The following CNTNAP5 variants were observed in gnomAD, a reference collection of about 807,000 sequenced individuals.
The protein encoded by CNTNAP5 is contactin-associated protein-like 5.
In CNTNAP5, 72 loss-of-function variants were observed where a neutral mutation model predicts 150.2. That is an observed-to-expected ratio of 0.48 (90% CI 0.40 to 0.58). CNTNAP5 has a LOEUF of 0.58. Ranked by LOEUF, CNTNAP5 falls within the 20% of genes least tolerant of loss-of-function variation. The pLI is 0.00. For synonymous variants in CNTNAP5, 672 were observed against 619.8 expected, an observed-to-expected ratio of 1.08 and a Z score of -1.25; for missense variants, 1,636 against 1,626.2, an observed-to-expected ratio of 1.01 and a Z score of -0.10.
At chr2:124,155,272 C>T (rs1197135877) in intron 1 of CNTNAP5, among the ~76,000 whole-genome samples, 1 of 151,982 alleles carries the variant, frequency 6.6e-6, no homozygotes, top group Non-Finnish European at 1.5e-5. Flanking sequence ...CTAACTTGAC[C>T]TTCATTTTTA....
intron 21 of CNTNAP5, among the ~76,000 whole-genome samples, chr2:124,888,414 A>G (rs1013876826): frequency 1.3e-5 from 2 of 152,152 alleles, no homozygotes; most frequent in African/African-American, 2.4e-5. Flanking sequence ...ACATATGAGC[A>G]CATGTGTCTT....
intron 1 of CNTNAP5, among the ~76,000 whole-genome samples, chr2:124,075,318 C>T (rs530759966): frequency 3.3e-5 from 5 of 152,214 alleles, no homozygotes; most frequent in Non-Finnish European, 7.4e-5. Context: ...AGATCCACTT[C>T]TAACATTTTA....
intron 10 of CNTNAP5, among the ~76,000 whole-genome samples, chr2:124,555,832 G>C (rs11682973): frequency 0.41 from 61,888 of 152,000 alleles, 12,894 homozygotes; most frequent in East Asian, 0.62. Flanking sequence ...AAGCGAAGAG[G>C]GATTGAAAAT....
chr2:124,324,046 T>C (rs1336655023), intron 3 of CNTNAP5, among the ~76,000 whole-genome samples: 1 of 152,224 alleles, frequency 6.6e-6, no homozygotes, highest in Non-Finnish European at 1.5e-5. Context: ...AATACATTCA[T>C]TAATATTCAT....
intron 10 of CNTNAP5, among the ~76,000 whole-genome samples, chr2:124,530,911 T>C (rs1392190753): frequency 6.6e-6 from 1 of 151,946 alleles, no homozygotes; most frequent in African/African-American, 2.4e-5. Flanking sequence ...CAAAACACAA[T>C]AGTCTAAGCC....
At chr2:124,607,991 G>C (rs1009127178) in intron 11 of CNTNAP5, among the ~76,000 whole-genome samples, 1 of 152,178 alleles carries the variant, frequency 6.6e-6, no homozygotes, top group South Asian at 2.1e-4. Context: ...AATGCCATGA[G>C]AACAAGGATA....
At chr2:124,745,319 T>C (rs1452477201) in intron 13 of CNTNAP5, among the ~76,000 whole-genome samples, 1 of 152,082 alleles carries the variant, frequency 6.6e-6, no homozygotes, top group African/African-American at 2.4e-5. Flanking sequence ...GATTCTAGAG[T>C]CTGAGAGTAG....
chr2:124,267,314 T>G (rs1687634794), intron 3 of CNTNAP5, among the ~76,000 whole-genome samples: 1 of 152,156 alleles, frequency 6.6e-6, no homozygotes, highest in African/African-American at 2.4e-5. Context: ...GTGTGAACAT[T>G]TAAAGTAAAA....
chr2:124,809,017 C>A (rs2104654178), intron 19 of CNTNAP5, among the ~76,000 whole-genome samples: 1 of 151,806 alleles, frequency 6.6e-6, no homozygotes, highest in Admixed American at 6.6e-5. Flanking sequence ...GAGTCCTTGA[C>A]CATGGAAGAA....
At chr2:124,793,833 C>G (rs932859171) in intron 18 of CNTNAP5, among the ~76,000 whole-genome samples, 5 of 152,116 alleles carry the variant, frequency 3.3e-5, no homozygotes, top group African/African-American at 9.7e-5. Flanking sequence ...TTGGGTACCA[C>G]TGTCATAGTG....
chr2:124,695,516 T>C (rs1488659463), intron 13 of CNTNAP5, among the ~76,000 whole-genome samples: 2 of 152,182 alleles, frequency 1.3e-5, no homozygotes, highest in African/African-American at 4.8e-5. Context: ...AGAATTTGTG[T>C]ACAGGGAAAA....
At chr2:124,164,988 C>T (rs1219912414) in intron 1 of CNTNAP5, among the ~76,000 whole-genome samples, 1 of 152,076 alleles carries the variant, frequency 6.6e-6, no homozygotes, top group Non-Finnish European at 1.5e-5. Context: ...GAACACAAGC[C>T]CTGGAGCCAG....
intron 1 of CNTNAP5, among the ~76,000 whole-genome samples, chr2:124,166,801 G>A (rs1037665708): frequency 5.3e-5 from 8 of 152,074 alleles, no homozygotes; most frequent in African/African-American, 1.7e-4. Flanking sequence ...CAGAGATTAG[G>A]AGTCTGCAGA....
intron 12 of CNTNAP5, among the ~76,000 whole-genome samples, chr2:124,630,047 A>G (rs1677817625): frequency 6.6e-6 from 1 of 151,870 alleles, no homozygotes; most frequent in African/African-American, 2.4e-5. Context: ...ATAGACCAAT[A>G]TCAAGTTCTG....
At chr2:124,416,936 C>CTTTTTTT (rs70996064) in intron 3 of CNTNAP5, among the ~76,000 whole-genome samples, 3 of 106,598 alleles carry the variant, frequency 2.8e-5, no homozygotes, top group African/African-American at 6.9e-5. Context: ...AGAGGGATTT[C>CTTTTTTT]TTTTTTTTTT....
chr2:124,153,082 A>G (rs76312799), intron 1 of CNTNAP5, among the ~76,000 whole-genome samples: 12,913 of 152,246 alleles, frequency 0.085, 746 homozygotes, highest in Non-Finnish European at 0.13. Flanking sequence ...GGATTGCTAA[A>G]GTAGATTTAT....
chr2:124,435,692 A>G (rs1361143379), intron 5 of CNTNAP5, among the ~76,000 whole-genome samples: 81 of 152,210 alleles, frequency 5.3e-4, no homozygotes, highest in Non-Finnish European at 1.3e-4. Context: ...AAGACTGACA[A>G]AAATCCACAG....
At chr2:124,275,021 G>A (rs925258406) in intron 3 of CNTNAP5, among the ~76,000 whole-genome samples, 1 of 152,156 alleles carries the variant, frequency 6.6e-6, no homozygotes, top group Non-Finnish European at 1.5e-5. Context: ...GCAAGGAGGA[G>A]CAAGTCACAT....
intron 11 of CNTNAP5, among the ~76,000 whole-genome samples, chr2:124,571,569 C>T (rs1360084441): frequency 1.2e-4 from 6 of 49,494 alleles, no homozygotes; most frequent in Non-Finnish European, 2.0e-4. Context: ...CTCACTCTGT[C>T]ACCCACAGGC....
Sources: allele counts gnomAD v4.1 joint callset (sites outside exome capture counted in the v4.1 genomes callset), GRCh38; gene constraint gnomAD v4.1.1; transcripts MANE v1.5; gene names NCBI Gene and HGNC (gene_info 2026-07-23, HGNC 2026-07-21).